The following HIGD1C variants were observed in gnomAD, a reference collection of about 807,000 sequenced individuals.
The protein encoded by HIGD1C is HIG1 hypoxia inducible domain family member 1C, also known as HIG1 domain family member 1C.
In HIGD1C, 11 loss-of-function variants were observed where a neutral mutation model predicts 13.1. The ratio of observed to expected loss-of-function variants is 0.84; its 90% CI spans 0.53 to 1.39. The LOEUF is 1.39. Among genes scored for constraint, HIGD1C ranks in the 40% most tolerant of loss-of-function variants. The pLI is 0.00. For missense variants in HIGD1C, 110 were observed against 112.0 expected, an observed-to-expected ratio of 0.98 and a Z score of 0.08; for synonymous variants, 36 against 37.7, an observed-to-expected ratio of 0.95 and a Z score of 0.17.
At chr12:50,959,812 T>TA (rs1039649423) in intron 1 of HIGD1C, among the ~76,000 whole-genome samples, 5 of 152,034 alleles carry the variant, frequency 3.3e-5, no homozygotes, top group African/African-American at 1.2e-4. Flanking sequence ...CACGCCCGGC[T>TA]AATTTTTTTG....
the HIGD1C span, among the ~76,000 whole-genome samples, chr12:50,941,136 G>A: frequency 6.6e-6 from 1 of 152,104 alleles, no homozygotes; most frequent in African/African-American, 2.4e-5. Flanking sequence ...AAAGTGCTGA[G>A]CCACCATACC....
the HIGD1C span, among the ~76,000 whole-genome samples, chr12:50,945,239 T>C: frequency 6.6e-6 from 1 of 152,054 alleles, no homozygotes; most frequent in Non-Finnish European, 1.5e-5. Flanking sequence ...GCCAGGGCAA[T>C]CAGGCAGGAG....
At chr12:50,948,232 CT>C in the HIGD1C span, among the ~76,000 whole-genome samples, 28 of 152,322 alleles carry the variant, frequency 1.8e-4, no homozygotes, top group South Asian at 3.3e-3. Flanking sequence ...CTCTTCACAA[CT>C]TTAAAATTAT....
chr12:50,938,983 G>A, the HIGD1C span, among the ~76,000 whole-genome samples: 2,068 of 152,042 alleles, frequency 0.014, 49 homozygotes, highest in African/African-American at 0.046. Flanking sequence ...AATTTTCCTG[G>A]GGTACAAAGA....
At chr12:50,965,170 G>C (rs558265885) in intron 2 of HIGD1C, among the ~76,000 whole-genome samples, 11 of 152,208 alleles carry the variant, frequency 7.2e-5, no homozygotes, top group African/African-American at 2.7e-4. Context: ...TTGGAGTGTA[G>C]TGGTATGATC....
chr12:50,965,861 T>G (rs1939522586), intron 2 of HIGD1C, among the ~76,000 whole-genome samples: 1 of 152,238 alleles, frequency 6.6e-6, no homozygotes, highest in South Asian at 2.1e-4. Flanking sequence ...CTTAAGGGGA[T>G]CTGGCTCCCT....
At position 50,969,977 on chromosome 12, in the gene HIGD1C, G is replaced by A. The variant is rs570235281; in HGVS notation, c.230-465G>A. On this transcript the variant is annotated intron_variant, in intron 2 of 2. Coordinates refer to ENST00000398455, the Ensembl canonical transcript of HIGD1C. ...TACTTCCCCCTTTCTGCATGCCCCA[G>A]GACTCTGTGGAAGCCATACATATCA... 9.3e-4 allele frequency among the ~76,000 whole-genome samples: 141 copies of A among 152,072 alleles called. 1 individual carries two copies. Among genetic ancestry groups the A allele is most frequent in the African/African-American group, 3.0e-3 (124 of 41,466 alleles).
the HIGD1C span, among the ~76,000 whole-genome samples, chr12:50,939,107 T>A: frequency 6.6e-6 from 1 of 152,300 alleles, no homozygotes; most frequent in South Asian, 2.1e-4. Context: ...GTCTTCCTAC[T>A]CACCATTTCC....
the HIGD1C span, among the ~76,000 whole-genome samples, chr12:50,936,072 T>C: frequency 1.3e-5 from 2 of 151,550 alleles, no homozygotes; most frequent in African/African-American, 2.4e-5. Flanking sequence ...GGCAGGAGAA[T>C]TGCTTGAACC....
chr12:50,960,270 C>G (rs1939275838), intron 1 of HIGD1C, among the ~76,000 whole-genome samples: 1 of 152,194 alleles, frequency 6.6e-6, no homozygotes, highest in Non-Finnish European at 1.5e-5. Flanking sequence ...TCTCACTCTA[C>G]TGGGTTTACT....
At chr12:50,940,488 TG>T in the HIGD1C span, among the ~76,000 whole-genome samples, 1 of 152,108 alleles carries the variant, frequency 6.6e-6, no homozygotes, top group African/African-American at 2.4e-5. Context: ...GAGGCCAAGG[TG>T]AGAAGATCAC....
chr12:50,966,881 C>T (rs1275854194), intron 2 of HIGD1C, among the ~76,000 whole-genome samples: 2 of 152,064 alleles, frequency 1.3e-5, no homozygotes, highest in African/African-American at 4.8e-5. Flanking sequence ...TTCGGGAGGC[C>T]AAGGTGGGTA....
chr12:50,940,504 T>C, the HIGD1C span, among the ~76,000 whole-genome samples: 2 of 152,110 alleles, frequency 1.3e-5, no homozygotes, highest in African/African-American at 4.8e-5. Flanking sequence ...GATCACATGG[T>C]GCCCAGAAGA....
the HIGD1C span, among the ~76,000 whole-genome samples, chr12:50,943,793 G>A: frequency 6.6e-6 from 1 of 151,890 alleles, no homozygotes; most frequent in Non-Finnish European, 1.5e-5. Context: ...CTTTCCAGTG[G>A]GCTCTAATGT....
intron 2 of HIGD1C, among the ~76,000 whole-genome samples, chr12:50,964,254 G>A (rs1019468742): frequency 6.6e-6 from 1 of 152,216 alleles, no homozygotes; most frequent in Non-Finnish European, 1.5e-5. Flanking sequence ...GTTATTGCTA[G>A]TATTATATCT....
intron 2 of HIGD1C, among the ~76,000 whole-genome samples, chr12:50,963,333 G>T (rs1939412191): frequency 7.7e-6 from 1 of 130,110 alleles, no homozygotes; most frequent in South Asian, 2.4e-4. Flanking sequence ...CCACGCCACT[G>T]CACTCCAGCC....
the HIGD1C span, chr12:50,932,427 T>C: frequency 6.6e-6 from 1 of 152,240 alleles, no homozygotes; most frequent in African/African-American, 2.4e-5. Flanking sequence ...AAATGTAGTA[T>C]ATTTTCTGAG....
At chr12:50,968,367 T>C (rs1939624813) in intron 2 of HIGD1C, among the ~76,000 whole-genome samples, 1 of 151,890 alleles carries the variant, frequency 6.6e-6, no homozygotes, top group Non-Finnish European at 1.5e-5. Flanking sequence ...TAATCTCCAC[T>C]CCAGTTACAC....
chr12:50,959,821 T>C (rs1939255571), intron 1 of HIGD1C, among the ~76,000 whole-genome samples: 1 of 152,022 alleles, frequency 6.6e-6, no homozygotes, highest in Non-Finnish European at 1.5e-5. Flanking sequence ...CTAATTTTTT[T>C]GTATTTTTAG....
Sources: gnomAD v4.1 joint callset for allele counts (sites outside exome capture counted in the v4.1 genomes callset) on GRCh38, gnomAD v4.1.1 for gene constraint, MANE v1.5 for transcripts, NCBI Gene and HGNC (gene_info 2026-07-23, HGNC 2026-07-21) for gene names.